Variants in ZNF676 observed in about 807,000 individuals in gnomAD.
The protein encoded by ZNF676 is zinc finger protein 676.
In ZNF676, 4 loss-of-function variants were observed where a neutral mutation model predicts 6.0. The observed-to-expected ratio is 0.67, with a 90% CI of 0.33 to 1.53. The LOEUF is 1.53. Among genes scored for constraint, ZNF676 ranks in the 40% most tolerant of loss-of-function variants. The pLI is 0.06. For missense variants in ZNF676, 644 were observed against 679.7 expected (o/e 0.95, Z 0.58); for synonymous variants, 198 against 223.1 (o/e 0.89, Z 1.00).
At chr19:22,218,188 T>C (rs2024213006), upstream of ZNF676, among the ~76,000 whole-genome samples, 1 of 152,204 alleles carries the variant, frequency 6.6e-6, no homozygotes, top group African/African-American at 2.4e-5. Context: ...TGCTTTGAGG[T>C]TCTTGGTCAT....
chr19:22,223,286 G>A, the ZNF676 span, among the ~76,000 whole-genome samples: 3 of 152,142 alleles, frequency 2.0e-5, no homozygotes, highest in South Asian at 2.1e-4. Flanking sequence ...TCACAACTCC[G>A]TCCCTGGATC....
chr19:22,191,133 A>AT (rs1280123131), intron 2 of ZNF676, among the ~76,000 whole-genome samples: 5 of 152,264 alleles, frequency 3.3e-5, no homozygotes, highest in African/African-American at 1.2e-4. Flanking sequence ...AACCTGGGTT[A>AT]TGTAGTGAGA....
chr19:22,250,974 AGTGCTGG>A, the ZNF676 span, among the ~76,000 whole-genome samples: 1 of 152,114 alleles, frequency 6.6e-6, no homozygotes, highest in African/African-American at 2.4e-5. Context: ...GGTCTCCCAT[AGTGCTGG>A]GATTACAAGT....
At chr19:22,197,040 G>A, upstream of ZNF676, 1 of 245,914 alleles carries the variant, frequency 4.1e-6, no homozygotes, top group Non-Finnish European at 7.8e-6. Context: ...ACAGAATTGT[G>A]TGCCAGGCAT....
At chr19:22,233,349 TATA>T in the ZNF676 span, among the ~76,000 whole-genome samples, 1 of 151,494 alleles carries the variant, frequency 6.6e-6, no homozygotes, top group African/African-American at 2.4e-5. Flanking sequence ...CTGAAAATTT[TATA>T]ATATTTTGGA....
intron 1 of ZNF676, among the ~76,000 whole-genome samples, chr19:22,207,291 A>G (rs545149891): frequency 4.6e-5 from 7 of 152,250 alleles, no homozygotes; most frequent in Non-Finnish European, 8.8e-5. Context: ...GCAACCCTAT[A>G]TATCAAGAAC....
chr19:22,180,300 C>T lies in ZNF676; in HGVS notation c.1417G>A (p.Ala473Thr). Residue 473 changes from alanine (A) to threonine (T), a missense_variant, in exon 3 of 3, where the codon GCA (alanine) becomes ACA (threonine). By Grantham distance (58) the Ala-to-Thr change is moderately conservative (BLOSUM62 0). Coordinates refer to ENST00000397121, the MANE Select transcript of ZNF676 (RefSeq NM_001001411.3). ...TCTTCACATTTGTAAGGTTTCTCTG[C>T]AGCATGAATTCTCTTGTGTTTAGTA... ...SFTKHKRIHA[A>T]EKPYKCEECG... The T allele has an allele frequency of 2.5e-6, 4 of 1,612,690 alleles. No homozygotes were observed. The highest frequency in any genetic ancestry group is 1.1e-5 in the South Asian group (1 of 91,042).
chr19:22,186,759 G>C (rs1414685081), intron 2 of ZNF676, among the ~76,000 whole-genome samples: 1 of 152,064 alleles, frequency 6.6e-6, no homozygotes, highest in Non-Finnish European at 1.5e-5. Context: ...CAGATGTTCA[G>C]CCAACAAAGA....
chr19:22,225,036 C>A, the ZNF676 span, among the ~76,000 whole-genome samples: 2 of 152,026 alleles, frequency 1.3e-5, no homozygotes, highest in Non-Finnish European at 2.9e-5. Flanking sequence ...AAAGTATATT[C>A]ACCTGGTTAT....
intron 1 of ZNF676, among the ~76,000 whole-genome samples, chr19:22,215,347 A>C (rs1449928597): frequency 1.3e-5 from 2 of 152,024 alleles, no homozygotes; most frequent in Non-Finnish European, 1.5e-5. Context: ...TCCTCTGACT[A>C]CCCTCCCACA....
upstream of ZNF676, among the ~76,000 whole-genome samples, chr19:22,197,906 A>G (rs1189064323): frequency 2.0e-5 from 3 of 152,154 alleles, no homozygotes; most frequent in African/African-American, 7.2e-5. Flanking sequence ...TGAAAGGTAA[A>G]TTATAGTCTG....
At chr19:22,202,006 T>C (rs1026631374) in intron 1 of ZNF676, among the ~76,000 whole-genome samples, 8 of 152,162 alleles carry the variant, frequency 5.3e-5, no homozygotes, top group East Asian at 1.9e-4. Context: ...CTGACTTTGA[T>C]AACTAAAAGG....
At chr19:22,203,570 T>C (rs144229165) in intron 1 of ZNF676, 1 of 152,312 alleles carries the variant, frequency 6.6e-6, no homozygotes, top group African/African-American at 2.4e-5. Flanking sequence ...ATGAGCATTA[T>C]TGAATAAAGG....
chr19:22,200,004 A>G (rs1378758845), upstream of ZNF676, among the ~76,000 whole-genome samples: 1 of 152,080 alleles, frequency 6.6e-6, no homozygotes, highest in Non-Finnish European at 1.5e-5. Flanking sequence ...GCAAGACTCC[A>G]GGGTAGGGCC....
chr19:22,242,787 G>A, the ZNF676 span, among the ~76,000 whole-genome samples: 104,217 of 151,144 alleles, frequency 0.69, 36,366 homozygotes, highest in South Asian at 0.85. Flanking sequence ...CAGGAATAAG[G>A]TAAGAGTCAG....
At chr19:22,208,933 CCT>C (rs1187966272) in intron 1 of ZNF676, among the ~76,000 whole-genome samples, 20 of 151,546 alleles carry the variant, frequency 1.3e-4, no homozygotes, top group Non-Finnish European at 5.9e-5. Context: ...AAAGTGAGAC[CCT>C]GTCTCCAAAA....
intron 1 of ZNF676, among the ~76,000 whole-genome samples, chr19:22,212,423 G>A (rs758355910): frequency 1.2e-4 from 19 of 152,002 alleles, no homozygotes; most frequent in African/African-American, 2.2e-4. Context: ...GAGGTCAGCC[G>A]GGCACAGTGG....
chr19:22,249,692 G>A, the ZNF676 span, among the ~76,000 whole-genome samples: 3 of 151,676 alleles, frequency 2.0e-5, no homozygotes, highest in Admixed American at 6.6e-5. Context: ...GATTACAGGC[G>A]TGAGCCACCA....
chr19:22,219,855 A>T (rs1162841826), upstream of ZNF676, among the ~76,000 whole-genome samples: 1 of 152,058 alleles, frequency 6.6e-6, no homozygotes, highest in African/African-American at 2.4e-5. Flanking sequence ...AGGTTTCACC[A>T]TGTTGGCCAA....
Sources: gnomAD v4.1 joint callset for allele counts (sites outside exome capture counted in the v4.1 genomes callset) on GRCh38, gnomAD v4.1.1 for gene constraint, MANE v1.5 for transcripts, NCBI Gene and HGNC (gene_info 2026-07-23, HGNC 2026-07-21) for gene names.